PPM1L: variants seen among roughly 807,000 people sequenced by gnomAD.
PPM1L encodes the protein protein phosphatase, Mg2+/Mn2+ dependent 1L.
PPM1L carries 13 observed loss-of-function variants against 31.4 expected under a neutral mutation model. The ratio of observed to expected loss-of-function variants is 0.41; its 90% CI spans 0.27 to 0.66. The LOEUF is 0.66. Among genes scored for constraint, PPM1L ranks in the 30% least tolerant of loss-of-function variants. The probability of loss-of-function intolerance (pLI) is 0.29; values close to 1 mark genes in which losing one functional copy is unlikely to be tolerated. For missense variants in PPM1L, 326 were observed against 453.7 expected, an observed-to-expected ratio of 0.72 and a Z score of 2.56; for synonymous variants, 184 against 175.4, an observed-to-expected ratio of 1.05 and a Z score of -0.39.
chr3:160,977,985 G>A (rs551095005), intron 2 of PPM1L, among the ~76,000 whole-genome samples: 221 of 152,242 alleles, frequency 1.5e-3, no homozygotes, highest in Non-Finnish European at 2.1e-3. Flanking sequence ...CTCAAATGTA[G>A]AGCCTGAAGC....
intron 1 of PPM1L, among the ~76,000 whole-genome samples, chr3:160,923,835 A>G (rs983486589): frequency 6.6e-6 from 1 of 152,164 alleles, no homozygotes; most frequent in Non-Finnish European, 1.5e-5. Flanking sequence ...TAAGAGTAAT[A>G]AAGTCTCAGG....
At chr3:160,937,073 C>T (rs1308612675) in intron 1 of PPM1L, among the ~76,000 whole-genome samples, 1 of 152,076 alleles carries the variant, frequency 6.6e-6, no homozygotes, top group African/African-American at 2.4e-5. Flanking sequence ...ATTATATTCA[C>T]TAAAATATTT....
intron 2 of PPM1L, among the ~76,000 whole-genome samples, chr3:161,010,545 G>A (rs1717858864): frequency 6.6e-6 from 1 of 152,162 alleles, no homozygotes; most frequent in Non-Finnish European, 1.5e-5. Context: ...ACCCAGTAAT[G>A]GGATGGCTGG....
chr3:160,924,075 T>C (rs1714507319), intron 1 of PPM1L, among the ~76,000 whole-genome samples: 1 of 152,208 alleles, frequency 6.6e-6, no homozygotes, highest in Non-Finnish European at 1.5e-5. Flanking sequence ...CTGTTTTCAT[T>C]AGAAATTATA....
At chr3:160,865,146 A>G (rs1419759023) in intron 1 of PPM1L, among the ~76,000 whole-genome samples, 2 of 152,236 alleles carry the variant, frequency 1.3e-5, no homozygotes, top group Non-Finnish European at 2.9e-5. Context: ...ATTCTGGGAA[A>G]GTCAATAATT....
chr3:160,998,493 T>G (rs959910124), intron 2 of PPM1L, among the ~76,000 whole-genome samples: 2 of 152,170 alleles, frequency 1.3e-5, no homozygotes, highest in African/African-American at 4.8e-5. Context: ...TTTTTTCCCT[T>G]TGCAGCAAAT....
chr3:160,945,036 TAA>T (rs1715348017), intron 1 of PPM1L, among the ~76,000 whole-genome samples: 1 of 35,906 alleles, frequency 2.8e-5, no homozygotes, highest in Non-Finnish European at 1.0e-4. Context: ...TAACTATATA[TAA>T]CATATATATT....
chr3:160,840,719 G>GGAGAGA (rs137953325), intron 1 of PPM1L, among the ~76,000 whole-genome samples: 9 of 144,002 alleles, frequency 6.2e-5, no homozygotes, highest in African/African-American at 2.1e-4. Context: ...TATCTCCAGG[G>GGAGAGA]GAGAGAGAGA....
chr3:161,017,127 A>G (rs1043821392), intron 2 of PPM1L, among the ~76,000 whole-genome samples: 2 of 152,162 alleles, frequency 1.3e-5, no homozygotes, highest in African/African-American at 2.4e-5. Flanking sequence ...GAGATGATTC[A>G]TAGTCTTCTT....
intron 1 of PPM1L, among the ~76,000 whole-genome samples, chr3:160,791,616 T>G (rs1712107040): frequency 6.6e-6 from 1 of 152,134 alleles, no homozygotes; most frequent in African/African-American, 2.4e-5. Flanking sequence ...AAGGGCCCTG[T>G]GCTTATGAAA....
chr3:160,795,563 C>G (rs1174062895), intron 1 of PPM1L, among the ~76,000 whole-genome samples: 1 of 152,190 alleles, frequency 6.6e-6, no homozygotes, highest in Non-Finnish European at 1.5e-5. Flanking sequence ...AGTGCCTCAT[C>G]ACCAACCTCA....
intron 1 of PPM1L, among the ~76,000 whole-genome samples, chr3:160,767,958 G>A (rs1431788909): frequency 6.6e-6 from 1 of 152,070 alleles, no homozygotes; most frequent in Non-Finnish European, 1.5e-5. Flanking sequence ...GGCCAAATAA[G>A]TCTCTTAATG....
chr3:160,965,252 A>C (rs1167596817), intron 2 of PPM1L, among the ~76,000 whole-genome samples: 1 of 151,980 alleles, frequency 6.6e-6, no homozygotes, highest in Non-Finnish European at 1.5e-5. Context: ...ATCTCAAAAA[A>C]AAAAAGAAAA....
At chr3:160,982,604 C>A (rs1204912174) in intron 2 of PPM1L, among the ~76,000 whole-genome samples, 1 of 152,220 alleles carries the variant, frequency 6.6e-6, no homozygotes, top group Non-Finnish European at 1.5e-5. Flanking sequence ...TTCGACCCAG[C>A]AGTTGCCCTC....
intron 1 of PPM1L, among the ~76,000 whole-genome samples, chr3:160,951,331 G>C (rs1413504205): frequency 6.6e-6 from 1 of 152,190 alleles, no homozygotes; most frequent in Non-Finnish European, 1.5e-5. Flanking sequence ...GAGGGGCAAA[G>C]AATTCATCAT....
chr3:160,853,429 C>T (rs572090727), intron 1 of PPM1L, among the ~76,000 whole-genome samples: 1 of 151,968 alleles, frequency 6.6e-6, no homozygotes, highest in South Asian at 2.1e-4. Flanking sequence ...GCAGAAAATA[C>T]AAACTTTTCC....
intron 1 of PPM1L, among the ~76,000 whole-genome samples, chr3:160,949,552 G>T (rs981885770): frequency 6.6e-6 from 1 of 152,036 alleles, no homozygotes; most frequent in Non-Finnish European, 1.5e-5. Flanking sequence ...TTGTGGGCAC[G>T]GTCCCTTTTA....
intron 2 of PPM1L, among the ~76,000 whole-genome samples, chr3:160,989,609 G>C (rs1389519826): frequency 6.6e-6 from 1 of 151,908 alleles, no homozygotes; most frequent in Non-Finnish European, 1.5e-5. Context: ...TGATCCACCC[G>C]TCTCAGCCTC....
chr3:161,006,416 C>A (rs968818871), intron 2 of PPM1L, among the ~76,000 whole-genome samples: 4 of 152,070 alleles, frequency 2.6e-5, no homozygotes, highest in Non-Finnish European at 4.4e-5. Context: ...TGAAAAAATT[C>A]TAAAGATCTG....
Sources: gnomAD v4.1 joint callset for allele counts (sites outside exome capture counted in the v4.1 genomes callset) on GRCh38, gnomAD v4.1.1 for gene constraint, MANE v1.5 for transcripts, NCBI Gene and HGNC (gene_info 2026-07-23, HGNC 2026-07-21) for gene names.